The following WIPF3 variants were observed in gnomAD, a reference collection of about 807,000 sequenced individuals.
The protein encoded by WIPF3 is WAS/WASL-interacting protein family member 3.
Under a neutral mutation model 38.9 loss-of-function variants are expected in WIPF3, and 33 were observed. The ratio of observed to expected loss-of-function variants is 0.85; its 90% CI spans 0.64 to 1.14. The LOEUF (loss-of-function observed/expected upper bound fraction) is 1.14, where lower values mean the gene tolerates loss of function less well. WIPF3 is among the 50% of genes most tolerant of loss of function. WIPF3 has a pLI of 0.00. For missense variants in WIPF3, 711 were observed against 652.5 expected (o/e 1.09, Z -0.98); for synonymous variants, 324 against 269.3 (o/e 1.20, Z -1.99).
intron 8 of WIPF3, among the ~76,000 whole-genome samples, chr7:29,912,805 G>A (rs1020479057): frequency 2.0e-5 from 3 of 152,160 alleles, no homozygotes; most frequent in Non-Finnish European, 2.9e-5. Flanking sequence ...TATTCTAAGT[G>A]AAATAAGCCA....
intron 1 of WIPF3, among the ~76,000 whole-genome samples, chr7:29,833,617 T>G (rs1784755815): frequency 6.6e-6 from 1 of 152,332 alleles, no homozygotes; most frequent in East Asian, 1.9e-4. Flanking sequence ...ATAAATGCTT[T>G]TGGCCTCTGT....
chr7:29,854,192 C>T (rs1256240819), intron 2 of WIPF3, among the ~76,000 whole-genome samples: 2 of 152,176 alleles, frequency 1.3e-5, no homozygotes, highest in Admixed American at 6.5e-5. Flanking sequence ...ACCAAAGCCT[C>T]ATGTTACACA....
At chr7:29,905,796 AG>A (rs1786383886) in intron 8 of WIPF3, 1 of 152,248 alleles carries the variant, frequency 6.6e-6, no homozygotes, top group Non-Finnish European at 1.5e-5. Context: ...GGGGATTTCA[AG>A]GGCTGGTGGC....
At chr7:29,850,606 G>A (rs1217930714) in intron 2 of WIPF3, among the ~76,000 whole-genome samples, 1 of 152,188 alleles carries the variant, frequency 6.6e-6, no homozygotes, top group African/African-American at 2.4e-5. Flanking sequence ...GACTTCTTTA[G>A]ACCTCACAGT....
chr7:29,820,445 T>C (rs1470356756), intron 1 of WIPF3, among the ~76,000 whole-genome samples: 1 of 152,146 alleles, frequency 6.6e-6, no homozygotes, highest in Non-Finnish European at 1.5e-5. Flanking sequence ...TGTGTTCTGT[T>C]TTCTATTTTT....
chr7:29,827,131 T>G (rs1453184918), intron 1 of WIPF3, among the ~76,000 whole-genome samples: 1 of 152,112 alleles, frequency 6.6e-6, no homozygotes, highest in Non-Finnish European at 1.5e-5. Flanking sequence ...TGCTCAGTGA[T>G]TTTTTCATCA....
intron 7 of WIPF3, among the ~76,000 whole-genome samples, chr7:29,900,718 A>C (rs1233750160): frequency 6.6e-6 from 1 of 152,276 alleles, no homozygotes; most frequent in Non-Finnish European, 1.5e-5. Context: ...GAGGTCAGAC[A>C]GCCCAACTCC....
chr7:29,895,766 T>C (rs768132551), intron 7 of WIPF3, among the ~76,000 whole-genome samples: 3 of 152,054 alleles, frequency 2.0e-5, no homozygotes, highest in Non-Finnish European at 4.4e-5. Context: ...GCCACACACT[T>C]AACCAGATCT....
intron 2 of WIPF3, among the ~76,000 whole-genome samples, chr7:29,848,751 T>C (rs1052547251): frequency 5.9e-5 from 9 of 152,180 alleles, no homozygotes; most frequent in African/African-American, 2.2e-4. Flanking sequence ...CGTACAGTGT[T>C]GGATATGTTT....
chr7:29,816,740 G>C (rs1014656284), intron 1 of WIPF3, among the ~76,000 whole-genome samples: 4 of 152,172 alleles, frequency 2.6e-5, no homozygotes, highest in Non-Finnish European at 4.4e-5. Flanking sequence ...CAGCTACCTA[G>C]TGTGTCAGTA....
chr7:29,813,652 C>T (rs1362397212), intron 1 of WIPF3, among the ~76,000 whole-genome samples: 2 of 151,936 alleles, frequency 1.3e-5, no homozygotes, highest in Non-Finnish European at 2.9e-5. Context: ...CAGTTTTTTT[C>T]TTAAAAATCA....
chr7:29,889,349 T>C lies in WIPF3; in HGVS notation c.1293T>C (p.Phe431=). 10 of 1,613,892 alleles carry C rather than the reference T, an allele frequency of 6.2e-6. No individual in the cohort carries two copies. The highest frequency in any genetic ancestry group is 1.7e-5 in the Admixed American group (1 of 60,016). ...TCACGTTCCATTCTGTGGAAGACTT[T>C]CCCCCTCCGGATGAATATAAACCAT... ...SKFTFHSVED[F]PPPDEYKPCQ... is the part of the protein sequence containing the mutation. Residue 431 remains phenylalanine, a synonymous_variant, in exon 7 of 9, where the codon TTT becomes TTC. Coordinates refer to ENST00000242140, the MANE Select transcript of WIPF3 (RefSeq NM_001080529.3).
chr7:29,905,335 C>T (rs1345056012), intron 8 of WIPF3: 1 of 152,168 alleles, frequency 6.6e-6, no homozygotes, highest in Non-Finnish European at 1.5e-5. Context: ...GAAGAATATA[C>T]ACAATATTGT....
chr7:29,837,054 T>A (rs540047113), intron 2 of WIPF3, among the ~76,000 whole-genome samples: 2 of 149,684 alleles, frequency 1.3e-5, no homozygotes, highest in Non-Finnish European at 3.0e-5. Flanking sequence ...AAATGATGGA[T>A]TGGAAACAAC....
At chr7:29,865,116 T>C (rs531485236) in intron 2 of WIPF3, among the ~76,000 whole-genome samples, 1 of 152,322 alleles carries the variant, frequency 6.6e-6, no homozygotes, top group African/African-American at 2.4e-5. Context: ...TTCCAAATTT[T>C]ATGGATGAGG....
At chr7:29,822,102 C>G (rs1026322498) in intron 1 of WIPF3, among the ~76,000 whole-genome samples, 1 of 136,420 alleles carries the variant, frequency 7.3e-6, no homozygotes, top group African/African-American at 2.8e-5. Context: ...TTTTCCTATT[C>G]CTTTCCTTAC....
chr7:29,851,998 A>G lies in WIPF3; in HGVS notation c.90+17184A>G, dbSNP rs537250003. On this transcript the variant is annotated intron_variant, in intron 2 of 8. Coordinates refer to ENST00000242140, the MANE Select transcript of WIPF3 (RefSeq NM_001080529.3). Reference sequence around the variant, plus strand: ...AATTTTACTTATTTTTATTTTTTTAATTTTTTAATTTTTAATTTTTGAGAT... The same window carrying G: ...AATTTTACTTATTTTTATTTTTTTAGTTTTTTAATTTTTAATTTTTGAGAT... 2.6e-4 allele frequency among the ~76,000 whole-genome samples: 39 copies of G among 151,786 alleles called. 1 individual carries two copies. In the South Asian group the frequency reaches 5.6e-3, roughly 22 times the overall value.
rs174983 is a variant in WIPF3, at chr7:29,891,058, T to C, written c.1351+1651T>C. ...CAGGTGGAGGGGGCACGGGCCTGCC[T>C]TGTGCTCAGGTGTGGTGAACACAGG... On this transcript the variant is annotated intron_variant, in intron 7 of 8. Transcript: ENST00000242140. Among the ~76,000 whole-genome samples, 942 of 97,920 alleles carry C rather than the reference T, an allele frequency of 9.6e-3. 46 individuals carry two copies. The highest frequency in any genetic ancestry group is 0.03 in the Middle Eastern group (4 of 132). 64.2% of individuals were successfully genotyped at this position (97,920 alleles called of 152,430 possible).
chr7:29,874,538 C>T (rs922133509), intron 2 of WIPF3, among the ~76,000 whole-genome samples: 13 of 152,114 alleles, frequency 8.5e-5, no homozygotes, highest in African/African-American at 2.9e-4. Flanking sequence ...TAAGCTGAAA[C>T]CCAAAGATAC....
Sources: gnomAD v4.1 joint callset for allele counts (sites outside exome capture counted in the v4.1 genomes callset) on GRCh38, gnomAD v4.1.1 for gene constraint, MANE v1.5 for transcripts, NCBI Gene and HGNC (gene_info 2026-07-23, HGNC 2026-07-21) for gene names.